PCDH18: variants seen among roughly 807,000 people sequenced by gnomAD.
The protein encoded by PCDH18 is protocadherin-18.
In PCDH18, 38 loss-of-function variants were observed where a neutral mutation model predicts 71.5. The ratio of observed to expected loss-of-function variants is 0.53; its 90% CI spans 0.41 to 0.70. The LOEUF (loss-of-function observed/expected upper bound fraction) is 0.70. PCDH18 is among the 30% of genes least tolerant of loss of function. PCDH18 has a pLI of 0.00. For missense variants in PCDH18, 1,334 were observed against 1,384.6 expected, an observed-to-expected ratio of 0.96 and a Z score of 0.58; for synonymous variants, 565 against 505.4, an observed-to-expected ratio of 1.12 and a Z score of -1.58.
intron 3 of PCDH18, 128 bp downstream of exon 3, chr4:137,528,350 A>C: frequency 1.4e-6 from 1 of 727,402 alleles, no homozygotes; most frequent in South Asian, 1.8e-5. Flanking sequence ...AACATACTAT[A>C]AAACATATTA....
intron 3 of PCDH18, 137 bp from the exon 4 acceptor site, chr4:137,521,833 C>G (rs1284744237): frequency 1.5e-6 from 1 of 648,682 alleles, no homozygotes; most frequent in African/African-American, 1.8e-5. Context: ...TTATTATACA[C>G]AAAAGCTGGA....
chr4:137,525,527 T>G (rs749389042), intron 3 of PCDH18, among the ~76,000 whole-genome samples: 5 of 152,272 alleles, frequency 3.3e-5, no homozygotes, highest in Admixed American at 6.5e-5. Flanking sequence ...CCTCCAGAAG[T>G]TGCTGGGGTA....
rs766154132 is a variant in PCDH18, at chr4:137,521,441, G to A, written c.2996C>T (p.Thr999Ile). Residue 999 changes from threonine (T) to isoleucine (I), a missense_variant, in exon 4 of 4, where the codon ACC becomes ATC. This residue lies in a region of PCDH18 where 319 missense variants were observed against 316.3 expected (regional missense o/e 1.01). Coordinates refer to ENST00000344876, the MANE Select transcript of PCDH18 (RefSeq NM_019035.5). ...TTCCGAGAGCAGAGATGATGTGCTG[G>A]TATCCCCAGTGTCCTCATCGTTTGG... The part of the protein sequence containing the change: ...DSPNDEDTGD[T>I]STSSLLSEMS... The A allele has an allele frequency of 3.1e-6, 5 of 1,614,202 alleles. No homozygotes were observed. The highest frequency in any genetic ancestry group is 3.3e-5 in the Admixed American group (2 of 60,034).
chr4:137,529,062 A>T (rs528614594), intron 1 of PCDH18: 19 of 472,054 alleles, frequency 4.0e-5, no homozygotes, highest in Non-Finnish European at 7.1e-5. Flanking sequence ...GTGAAAGAAG[A>T]CTCCCTTTCA....
At position 137,531,907 on chromosome 4, in the gene PCDH18, G is replaced by T. The variant is rs763998018; in HGVS notation, c.182C>A (p.Pro61His). The T allele has an allele frequency of 6.2e-7, 1 of 1,614,016 alleles. No individual in the cohort carries two copies. The highest frequency in any genetic ancestry group is 8.5e-7 in the Non-Finnish European group (1 of 1,179,974). ...CATGGCTCGAAATCGAACAGTAGAAGGATTAGGAAGCTTCAATAAAACATC... is the reference window on the plus strand; with the variant it reads ...CATGGCTCGAAATCGAACAGTAGAATGATTAGGAAGCTTCAATAAAACATC... Reference protein sequence around the residue: ...VADVLLKLPNPSTVRFRAMQR... With the variant: ...VADVLLKLPNHSTVRFRAMQR... Residue 61 changes from proline to histidine, a missense_variant, in exon 1 of 4, where the codon CCT (proline) becomes CAT (histidine). Transcript: ENST00000344876.
chr4:137,530,211 CT>C lies in PCDH18; in HGVS notation c.1877del (p.Glu626GlyfsTer5). On this transcript the variant is annotated frameshift_variant, in exon 1 of 4. Transcript: ENST00000344876. LOFTEE classifies it high-confidence loss of function. The part of the protein sequence containing the change: ...LSCAIVAGNE[E>X]NIFIIDPRSC... ...ATCGTGGATCAATTATGAAGATATT[CT>C]CCTCATTACCTGCTACTATGGCGCA... The C allele has an allele frequency of 6.2e-7, 1 of 1,613,920 alleles. No individual in the cohort carries two copies. Among genetic ancestry groups the C allele is most frequent in the African/African-American group, 1.3e-5 (1 of 75,040 alleles).
Position 137,530,234 on chromosome 4 carries a change from C to T in PCDH18, c.1855G>A (p.Ala619Thr), listed in dbSNP as rs181780749. ...TTCTCCTCATTACCTGCTACTATGGCGCAGCTGAGTTCAGCATTCACACCA... is the reference window on the plus strand; with the variant it reads ...TTCTCCTCATTACCTGCTACTATGGTGCAGCTGAGTTCAGCATTCACACCA... ...DSGVNAELSC[A>T]IVAGNEENIF... Residue 619 changes from alanine to threonine, a missense_variant, in exon 1 of 4, where the codon GCC becomes ACC. Physicochemically the swap from Ala to Thr is moderately conservative, Grantham distance 58. Around this residue, in one of 3 missense-constraint regions of PCDH18, gnomAD observed 1,011 missense variants for 1,048.0 expected, o/e 0.96. Coordinates refer to ENST00000344876, the MANE Select transcript of PCDH18 (RefSeq NM_019035.5). 1.4e-5 allele frequency: 22 copies of T among 1,614,002 alleles called. No homozygotes were observed. Among genetic ancestry groups the T allele is most frequent in the East Asian group, 4.5e-5 (2 of 44,854 alleles).
rs751117328 is a variant in PCDH18 at position 137,530,884 on chromosome 4, T to C, written c.1205A>G (p.His402Arg). The C allele has an allele frequency of 6.2e-6, 10 of 1,612,014 alleles. No individual in the cohort carries two copies. Among genetic ancestry groups the C allele is most frequent in the South Asian group, 4.4e-5 (4 of 90,920 alleles). ...NGEIVCKLHG[H>R]GHFKLQKTYE... ...TGTCTTCTGAAGTTTAAAGTGACCA[T>C]GTCCATGAAGCTTACAAACTATTTC... Residue 402 changes from histidine (H) to arginine (R), a missense_variant, in exon 1 of 4, where the codon CAT (histidine) becomes CGT (arginine). By Grantham distance (29) the His-to-Arg change is conservative (BLOSUM62 0). Transcript: ENST00000344876.
Position 137,519,824 on chromosome 4 carries a change from T to C in PCDH18, c.*1205A>G, listed in dbSNP as rs914925049. 1.3e-5 allele frequency: 2 copies of C among 152,614 alleles called. No individual in the cohort carries two copies. Among genetic ancestry groups the C allele is most frequent in the African/African-American group, 4.8e-5 (2 of 41,454 alleles). The allele number at this position is 152,614 out of a possible 1,614,324, so 9.5% of individuals were successfully genotyped here. On this transcript the variant is annotated 3_prime_UTR_variant, in exon 4 of 4. Coordinates refer to ENST00000344876, the MANE Select transcript of PCDH18 (RefSeq NM_019035.5). ...TGGTCAGAAATGATAATAGTCATAATAAGCATCTCTCTCACCAAGGCATTC... is the reference window on the plus strand; with the variant it reads ...TGGTCAGAAATGATAATAGTCATAACAAGCATCTCTCTCACCAAGGCATTC...
Position 137,532,021 on chromosome 4 carries a change from T to A in PCDH18, c.68A>T (p.His23Leu), listed in dbSNP as rs766012444. 2.5e-6 allele frequency: 4 copies of A among 1,613,660 alleles called. No individual in the cohort carries two copies. The African/African-American group carries it at 4.0e-5, about 16-fold the overall frequency. ...TTTCAAATTCTTGCCCAGTACATCG[T>A]GGTTGAAAGATACTATCAGAAGTGC... ...VFALLIVSFN[H>L]DVLGKNLKYR... Residue 23 changes from histidine to leucine, a missense_variant, in exon 1 of 4, where the codon CAC (histidine) becomes CTC (leucine). Around this residue, in one of 3 missense-constraint regions of PCDH18, gnomAD observed 1,011 missense variants for 1,048.0 expected, o/e 0.96. Transcript: ENST00000344876.
rs143791559 is a variant in PCDH18, at chr4:137,521,303, T to C, written c.3134A>G (p.Lys1045Arg). Reference sequence around the variant, plus strand: ...TACCCCCTGTGGGTAACCCACAGTTTTGGCTGGCAAGGGTCCCTTCCTGCG... The same window carrying C: ...TACCCCCTGTGGGTAACCCACAGTTCTGGCTGGCAAGGGTCCCTTCCTGCG... The part of the protein sequence containing the change: ...LERRKGPLPA[K>R]TVGYPQGVAA... The change falls in exon 4 of 4, where the codon AAA becomes AGA. Residue 1045 changes from lysine to arginine, a missense_variant. Lys to Arg is a conservative substitution (Grantham distance 26, BLOSUM62 2). This residue lies in a region of PCDH18 where 319 missense variants were observed against 316.3 expected (regional missense o/e 1.01). Coordinates refer to ENST00000344876, the MANE Select transcript of PCDH18 (RefSeq NM_019035.5). 62 of 1,614,040 alleles carry C rather than the reference T, an allele frequency of 3.8e-5. No individual in the cohort carries two copies. The African/African-American group carries it at 6.8e-4, about 18-fold the overall frequency.
chr4:137,527,063 G>T (rs1463800758), intron 3 of PCDH18, among the ~76,000 whole-genome samples: 1 of 151,604 alleles, frequency 6.6e-6, no homozygotes, highest in Non-Finnish European at 1.5e-5. Context: ...CTCTGCATGA[G>T]CCTGGAGTAA....
At chr4:137,521,785 A>G in intron 3 of PCDH18, 89 bp from the exon 4 acceptor site, 3 of 978,080 alleles carry the variant, frequency 3.1e-6, no homozygotes, top group South Asian at 3.3e-5. Flanking sequence ...TAAAAATAGA[A>G]TGAGACAATT....
Position 137,518,959 on chromosome 4 carries a change from T to G in PCDH18, c.*2070A>C, listed in dbSNP as rs767438857. The G allele has an allele frequency of 7.9e-5, 12 of 152,234 alleles. No individual in the cohort carries two copies. The highest frequency in any genetic ancestry group is 1.6e-4 in the Non-Finnish European group (11 of 68,036). 9.4% of individuals were successfully genotyped at this position (152,234 alleles called of 1,614,324 possible). ...ATATTGCATTTTATTTATTTCACAT[T>G]ATTCAAAATAGCGGTTTTCAGCATA... is the stretch of plus-strand genomic sequence containing the variant. On this transcript the variant is annotated 3_prime_UTR_variant, in exon 4 of 4. Transcript: ENST00000344876.
chr4:137,531,602 C>A lies in PCDH18; in HGVS notation c.487G>T (p.Asp163Tyr), dbSNP rs1238176208. The change falls in exon 1 of 4, where the codon GAT becomes TAT. Residue 163 changes from aspartate (D) to tyrosine (Y), a missense_variant. Asp to Tyr is a radical substitution (Grantham distance 160). Coordinates refer to ENST00000344876, the MANE Select transcript of PCDH18 (RefSeq NM_019035.5). The stretch of plus-strand genomic sequence containing the variant: ...AGGGAATTTTCCCCAACATCTGGAT[C>A]AAATGCACTGTCCAGGGGAATGCGA... ...GTRIPLDSAFDPDVGENSLHT... is the reference protein window; with the variant it reads ...GTRIPLDSAFYPDVGENSLHT... 3.1e-6 allele frequency: 5 copies of A among 1,613,672 alleles called. No homozygotes were observed. In the South Asian group the frequency reaches 3.3e-5, roughly 11 times the overall value.
chr4:137,529,772 A>G lies in PCDH18; in HGVS notation c.2317T>C (p.Ser773Pro). 6.2e-7 allele frequency: 1 copy of G among 1,613,758 alleles called. No individual in the cohort carries two copies. The highest frequency in any genetic ancestry group is 2.2e-5 in the East Asian group (1 of 44,836). The change falls in exon 1 of 4, where the codon TCT becomes CCT. Residue 773 changes from serine (S) to proline (P), a missense_variant. By Grantham distance (74) the Ser-to-Pro change is moderately conservative (BLOSUM62 -1). This residue lies in a region of PCDH18 where 1,011 missense variants were observed against 1,048.0 expected (regional missense o/e 0.96). Coordinates refer to ENST00000344876, the MANE Select transcript of PCDH18 (RefSeq NM_019035.5). Reference protein sequence around the residue: ...PTINGTLPIRSHHRSSPSSSP... With the variant: ...PTINGTLPIRPHHRSSPSSSP... ...GAAGATGGAGACGATCTGTGATGAG[A>G]TCTGATGGGCAGAGTGCCATTTATG... is the stretch of plus-strand genomic sequence containing the variant.
intron 3 of PCDH18, among the ~76,000 whole-genome samples, chr4:137,524,248 G>A (rs536858442): frequency 2.4e-4 from 36 of 152,124 alleles, no homozygotes; most frequent in Non-Finnish European, 4.9e-4. Flanking sequence ...TTTTGTCACT[G>A]CACTGCACCT....
At position 137,530,317 on chromosome 4, in the gene PCDH18, G is replaced by T. The variant is rs1336852397; in HGVS notation, c.1772C>A (p.Pro591His). 6.2e-7 allele frequency: 1 copy of T among 1,613,346 alleles called. No homozygotes were observed. Among genetic ancestry groups the T allele is most frequent in the South Asian group, 1.1e-5 (1 of 91,008 alleles). Residue 591 changes from proline to histidine, a missense_variant, in exon 1 of 4, where the codon CCC becomes CAC. Pro to His is a moderately conservative substitution (Grantham distance 77). Transcript: ENST00000344876. ...ATGAAAGCCACTTTCAGCCCCTTTG[G>T]GAATGGTGATTTCTGCCGTATTATT... is the stretch of plus-strand genomic sequence containing the variant. ...LRNNTAEITI[P>H]KGAESGFHVT...
At chr4:137,528,454 G>C (rs2149214685) in intron 3 of PCDH18, 24 bp downstream of exon 3, 12 of 1,602,770 alleles carry the variant, frequency 7.5e-6, no homozygotes, top group Non-Finnish European at 1.0e-5. Flanking sequence ...TGAAAATAAA[G>C]ATTTTCTATC....
Sources: gnomAD v4.1 joint callset for allele counts (sites outside exome capture counted in the v4.1 genomes callset) on GRCh38, gnomAD v4.1.1 for gene constraint, gnomAD v4.1.1 regional missense constraint, MANE v1.5 for transcripts, NCBI Gene and HGNC (gene_info 2026-07-23, HGNC 2026-07-21) for gene names.